LPP: variants seen among roughly 807,000 people sequenced by gnomAD.
LPP encodes the protein lipoma-preferred partner.
LPP carries 38 observed loss-of-function variants against 60.4 expected under a neutral mutation model. The ratio of observed to expected loss-of-function variants is 0.63; its 90% CI spans 0.49 to 0.83. LPP has a LOEUF of 0.83. Ranked by LOEUF, LPP falls within the 40% of genes least tolerant of loss-of-function variation. LPP has a pLI of 0.00. For synonymous variants in LPP, 328 were observed against 290.8 expected (o/e 1.13, Z -1.30); for missense variants, 902 against 783.6 (o/e 1.15, Z -1.80).
intron 2 of LPP, among the ~76,000 whole-genome samples, chr3:188,279,093 G>A (rs374278485): frequency 6.6e-6 from 1 of 152,178 alleles, no homozygotes; most frequent in African/African-American, 2.4e-5. Context: ...CTCCTGGGAT[G>A]AGGCCATTTG....
intron 4 of LPP, among the ~76,000 whole-genome samples, chr3:188,441,604 C>CTTTTTTTTTTTTT (rs1793873957): frequency 2.5e-5 from 1 of 39,972 alleles, no homozygotes; most frequent in African/African-American, 1.1e-4. Flanking sequence ...TTTTTCTTTT[C>CTTTTTTTTTTTTT]TTTTCTTTTT....
chr3:188,756,328 C>T (rs547138036), intron 8 of LPP, among the ~76,000 whole-genome samples: 3 of 152,312 alleles, frequency 2.0e-5, no homozygotes, highest in East Asian at 3.9e-4. Flanking sequence ...CCTCTGTCAT[C>T]GGATCTTTTG....
At chr3:188,252,807 T>A (rs1730345050) in intron 2 of LPP, among the ~76,000 whole-genome samples, 1 of 152,244 alleles carries the variant, frequency 6.6e-6, no homozygotes, top group African/African-American at 2.4e-5. Flanking sequence ...AGTCTCTCTC[T>A]GTTGCCCAGG....
At chr3:188,561,293 G>A (rs932437391) in intron 6 of LPP, among the ~76,000 whole-genome samples, 1 of 151,888 alleles carries the variant, frequency 6.6e-6, no homozygotes, top group African/African-American at 2.4e-5. Context: ...TTTAAAAAAC[G>A]TGGCCATTGA....
chr3:188,873,824 T>G (rs1254910642), intron 11 of LPP, among the ~76,000 whole-genome samples: 1 of 152,152 alleles, frequency 6.6e-6, no homozygotes, highest in Admixed American at 6.5e-5. Context: ...GATTTTATTT[T>G]CTTACTGCAG....
chr3:188,789,480 C>T (rs188400508), intron 9 of LPP, among the ~76,000 whole-genome samples: 1 of 152,286 alleles, frequency 6.6e-6, no homozygotes, highest in African/African-American at 2.4e-5. Flanking sequence ...TAAGCACTTA[C>T]CTCGTTCTGT....
intron 9 of LPP, among the ~76,000 whole-genome samples, chr3:188,822,075 A>G (rs1754126100): frequency 6.6e-6 from 1 of 152,078 alleles, no homozygotes; most frequent in Admixed American, 6.6e-5. Flanking sequence ...AAGATTCAGG[A>G]TGTAATAATA....
chr3:188,715,958 AAT>A (rs1713806890), intron 8 of LPP, among the ~76,000 whole-genome samples: 2 of 152,220 alleles, frequency 1.3e-5, no homozygotes, highest in African/African-American at 4.8e-5. Context: ...ATAGAGCTGT[AAT>A]TATCTTGACA....
At chr3:188,426,633 C>T (rs1789426241) in intron 4 of LPP, among the ~76,000 whole-genome samples, 1 of 152,066 alleles carries the variant, frequency 6.6e-6, no homozygotes, top group Non-Finnish European at 1.5e-5. Context: ...GATCTGGGTG[C>T]TCCTGTATTG....
intron 5 of LPP, among the ~76,000 whole-genome samples, chr3:188,485,653 C>T (rs1285292580): frequency 4.6e-5 from 7 of 151,046 alleles, no homozygotes; most frequent in African/African-American, 7.3e-5. Flanking sequence ...AAAAATTAGC[C>T]GGGCGTAGTG....
At chr3:188,580,831 T>A (rs1835907527) in intron 6 of LPP, among the ~76,000 whole-genome samples, 1 of 152,080 alleles carries the variant, frequency 6.6e-6, no homozygotes, top group Non-Finnish European at 1.5e-5. Flanking sequence ...CAATCTAACA[T>A]CTACAGATTA....
intron 9 of LPP, among the ~76,000 whole-genome samples, chr3:188,859,436 C>T (rs1422905735): frequency 6.6e-6 from 1 of 152,134 alleles, no homozygotes; most frequent in African/African-American, 2.4e-5. Flanking sequence ...ATTCATTACT[C>T]GTGCCTCAAT....
intron 7 of LPP, among the ~76,000 whole-genome samples, chr3:188,668,019 A>G (rs957535700): frequency 1.3e-5 from 2 of 152,096 alleles, no homozygotes; most frequent in African/African-American, 2.4e-5. Flanking sequence ...GTAAACTCAC[A>G]TTATCACTTA....
intron 8 of LPP, among the ~76,000 whole-genome samples, chr3:188,729,357 G>T (rs545232628): frequency 6.6e-6 from 1 of 152,200 alleles, no homozygotes; most frequent in South Asian, 2.1e-4. Flanking sequence ...ATGTTTACCT[G>T]TGCAAAATGG....
intron 8 of LPP, among the ~76,000 whole-genome samples, chr3:188,753,035 T>TG (rs1471027444): frequency 6.6e-6 from 1 of 152,190 alleles, no homozygotes; most frequent in African/African-American, 2.4e-5. Context: ...TAAACAATAC[T>TG]GATATAGGTC....
At chr3:188,847,885 G>A (rs1272284787) in intron 9 of LPP, among the ~76,000 whole-genome samples, 1 of 152,142 alleles carries the variant, frequency 6.6e-6, no homozygotes, top group Admixed American at 6.5e-5. Context: ...GGAGAATTTT[G>A]TTAGGAAAAA....
At chr3:188,741,889 G>A (rs1362443022) in intron 8 of LPP, among the ~76,000 whole-genome samples, 1 of 151,980 alleles carries the variant, frequency 6.6e-6, no homozygotes, top group Non-Finnish European at 1.5e-5. Context: ...TACAGTATGT[G>A]TATATGACAA....
At chr3:188,567,335 T>A (rs1832414622) in intron 6 of LPP, among the ~76,000 whole-genome samples, 1 of 152,060 alleles carries the variant, frequency 6.6e-6, no homozygotes, top group East Asian at 1.9e-4. Flanking sequence ...TTGTTAGGAC[T>A]ATTAAATGTA....
chr3:188,624,820 C>T (rs939131275), intron 7 of LPP, among the ~76,000 whole-genome samples: 11 of 71,454 alleles, frequency 1.5e-4, no homozygotes, highest in African/African-American at 5.5e-4. Flanking sequence ...CTCTCTCTTT[C>T]TCTCTTCTTT....
Sources: gnomAD v4.1 joint callset for allele counts (sites outside exome capture counted in the v4.1 genomes callset) on GRCh38, gnomAD v4.1.1 for gene constraint, MANE v1.5 for transcripts, NCBI Gene and HGNC (gene_info 2026-07-23, HGNC 2026-07-21) for gene names.